DISC1: variants seen among roughly 807,000 people sequenced by gnomAD.
DISC1 encodes DISC1 scaffold protein, also known as disrupted in schizophrenia 1 protein.
In DISC1, 57 loss-of-function variants were observed where a neutral mutation model predicts 84.5. That is an observed-to-expected ratio of 0.67 (90% CI 0.55 to 0.84). The LOEUF (loss-of-function observed/expected upper bound fraction) is 0.84. DISC1 is among the 40% of genes least tolerant of loss of function. DISC1 has a pLI of 0.00. For missense variants in DISC1, 1,000 were observed against 1,057.8 expected, an observed-to-expected ratio of 0.95 and a Z score of 0.76; for synonymous variants, 411 against 415.2, an observed-to-expected ratio of 0.99 and a Z score of 0.12.
At chr1:231,749,289 G>A (rs1444883875) in intron 3 of DISC1, among the ~76,000 whole-genome samples, 1 of 152,170 alleles carries the variant, frequency 6.6e-6, no homozygotes, top group African/African-American at 2.4e-5. Context: ...TCTGCTGACA[G>A]CACTCTTCCA....
At chr1:231,885,340 G>GA (rs2086605984) in intron 9 of DISC1, among the ~76,000 whole-genome samples, 1 of 152,126 alleles carries the variant, frequency 6.6e-6, no homozygotes, top group African/African-American at 2.4e-5. Context: ...ATTATGACAG[G>GA]ACCACAGAAG....
chr1:231,629,478 GTTTA>G (rs2058532593), intron 1 of DISC1: 1 of 152,798 alleles, frequency 6.5e-6, no homozygotes, highest in Non-Finnish European at 1.5e-5. Context: ...ACAATTCCTA[GTTTA>G]TTTGTTTCCT....
intron 9 of DISC1, among the ~76,000 whole-genome samples, chr1:231,950,474 G>A (rs1269912540): frequency 2.6e-5 from 4 of 152,162 alleles, no homozygotes; most frequent in African/African-American, 4.8e-5. Flanking sequence ...AGAAAAGTTA[G>A]CCTGTCTTTC....
At chr1:231,747,432 A>G (rs917536308) in intron 3 of DISC1, among the ~76,000 whole-genome samples, 1 of 152,216 alleles carries the variant, frequency 6.6e-6, no homozygotes, top group African/African-American at 2.4e-5. Flanking sequence ...AGATTTTCAT[A>G]TAAGGTGAGA....
intron 8 of DISC1, among the ~76,000 whole-genome samples, chr1:231,814,603 A>T (rs2080709325): frequency 6.6e-6 from 1 of 152,176 alleles, no homozygotes; most frequent in Non-Finnish European, 1.5e-5. Context: ...ACACGTCATC[A>T]TCCTGTGAAC....
At chr1:231,754,677 A>G (rs1268718041) in intron 4 of DISC1, among the ~76,000 whole-genome samples, 1 of 152,178 alleles carries the variant, frequency 6.6e-6, no homozygotes, top group Non-Finnish European at 1.5e-5. Context: ...TAAGTTTTTG[A>G]TAGAATATGA....
chr1:231,776,790 T>C (rs2076996811), intron 6 of DISC1, among the ~76,000 whole-genome samples: 1 of 152,116 alleles, frequency 6.6e-6, no homozygotes, highest in African/African-American at 2.4e-5. Context: ...CAGAAACATA[T>C]CTTATTAGAG....
intron 9 of DISC1, among the ~76,000 whole-genome samples, chr1:231,920,977 G>A (rs1178286359): frequency 6.7e-6 from 1 of 150,154 alleles, no homozygotes; most frequent in Admixed American, 6.7e-5. Context: ...CGTGATCTCG[G>A]CTCACTGCAG....
intron 9 of DISC1, among the ~76,000 whole-genome samples, chr1:231,849,851 G>A (rs966462036): frequency 5.3e-5 from 8 of 152,158 alleles, no homozygotes; most frequent in Non-Finnish European, 1.2e-4. Flanking sequence ...CCTATAGACT[G>A]TAAGATTTTT....
Position 231,795,246 on chromosome 1 carries a change from C to T in DISC1, c.1639C>T (p.Gln547Ter). 2 of 1,613,544 alleles carry T rather than the reference C, an allele frequency of 1.2e-6. No individual in the cohort carries two copies. Among genetic ancestry groups the T allele is most frequent in the South Asian group, 1.1e-5 (1 of 91,076 alleles). ...AEPPETIRSL[Q>*]ERIKSLNLSL... ...TCCTCTTTTTAATTCTTCCAGCCTCCAGGAAAGAATAAAATCCCTCAACTT... is the reference window on the plus strand; with the variant it reads ...TCCTCTTTTTAATTCTTCCAGCCTCTAGGAAAGAATAAAATCCCTCAACTT... Residue 547 changes from glutamine (Q) to a stop codon, truncating the protein, a stop_gained, in exon 7 of 13, where the codon CAG (glutamine) becomes TAG (stop). Coordinates refer to ENST00000439617, the MANE Select transcript of DISC1 (RefSeq NM_018662.3). LOFTEE classifies it high-confidence loss of function.
intron 10 of DISC1, among the ~76,000 whole-genome samples, chr1:231,971,599 A>T (rs1273671606): frequency 6.6e-6 from 1 of 152,200 alleles, no homozygotes; most frequent in Admixed American, 6.5e-5. Flanking sequence ...TGAGAACATT[A>T]GTTACAAGGG....
At chr1:231,997,976 G>T (rs889267197) in intron 10 of DISC1, among the ~76,000 whole-genome samples, 3 of 150,684 alleles carry the variant, frequency 2.0e-5, no homozygotes, top group African/African-American at 7.5e-5. Context: ...CATGGTTATT[G>T]AAGTAGACAT....
chr1:232,026,919 T>C (rs1669532908), intron 12 of DISC1, among the ~76,000 whole-genome samples: 2 of 152,016 alleles, frequency 1.3e-5, no homozygotes, highest in Admixed American at 1.3e-4. Context: ...CAGCTAATTT[T>C]TTTGTATTTT....
rs1411767592 is a variant in DISC1, at chr1:231,846,772, G to T, written c.1981+28255G>T. On this transcript the variant is annotated intron_variant, in intron 9 of 12. Coordinates refer to ENST00000439617, the MANE Select transcript of DISC1 (RefSeq NM_018662.3). ...GTTGTTTTATGTTTCTTAGCTGAAA[G>T]AAACTCAGGCAGGATAACGTGATAA... 2.6e-5 allele frequency among the ~76,000 whole-genome samples: 4 copies of T among 152,334 alleles called. No homozygotes were observed. In the East Asian group the frequency reaches 7.7e-4, roughly 29 times the overall value.
At chr1:231,913,578 G>C (rs1027161105) in intron 9 of DISC1, among the ~76,000 whole-genome samples, 1 of 152,178 alleles carries the variant, frequency 6.6e-6, no homozygotes, top group African/African-American at 2.4e-5. Flanking sequence ...ACAGGCACCT[G>C]AGGGTGATAG....
rs190908901 is a variant in DISC1 at position 231,897,495 on chromosome 1, G to A, written c.1982-61333G>A. 2.0e-5 allele frequency among the ~76,000 whole-genome samples: 3 copies of A among 152,200 alleles called. No homozygotes were observed. The highest frequency in any genetic ancestry group is 6.5e-5 in the Admixed American group (1 of 15,290). On this transcript the variant is annotated intron_variant, in intron 9 of 12. Transcript: ENST00000439617. This position sits in a 1 kb window ranked among gnomAD's most constrained non-coding sequence, Gnocchi z 4.5. ...AAAATATTTCTTTCACACATACAGC[G>A]CAGACTAAATCGTCTTTTTCTTTAT...
At chr1:231,962,004 TAA>T (rs1193942440) in intron 10 of DISC1, among the ~76,000 whole-genome samples, 1 of 152,224 alleles carries the variant, frequency 6.6e-6, no homozygotes, top group Non-Finnish European at 1.5e-5. Context: ...CAACAATGTA[TAA>T]GTGTTCCCTT....
intron 1 of DISC1, among the ~76,000 whole-genome samples, chr1:231,643,519 A>G (rs1241075551): frequency 6.6e-6 from 1 of 152,172 alleles, no homozygotes; most frequent in East Asian, 1.9e-4. Context: ...TAGCTACCTC[A>G]TACTGTTAAG....
intron 3 of DISC1, among the ~76,000 whole-genome samples, chr1:231,711,166 A>G (rs916989600): frequency 2.0e-5 from 3 of 152,156 alleles, no homozygotes; most frequent in South Asian, 2.1e-4. Context: ...ACAAACAACT[A>G]TCTACTGAAT....
Sources: gnomAD v4.1 joint callset for allele counts (sites outside exome capture counted in the v4.1 genomes callset) on GRCh38, gnomAD v4.1.1 for gene constraint, Gnocchi (gnomAD v3.1) non-coding constraint, MANE v1.5 for transcripts, NCBI Gene and HGNC (gene_info 2026-07-23, HGNC 2026-07-21) for gene names.